PAPPA: variants seen among roughly 807,000 people sequenced by gnomAD.
PAPPA encodes the protein pappalysin 1, also known as pappalysin-1.
Under a neutral mutation model 164.0 loss-of-function variants are expected in PAPPA, and 60 were observed. The observed-to-expected ratio is 0.37, with a 90% CI of 0.30 to 0.45. The LOEUF is 0.45. Ranked by LOEUF, PAPPA falls within the 20% of genes least tolerant of loss-of-function variation. The pLI, the probability that PAPPA is intolerant of heterozygous loss-of-function variation, is 1.00. For synonymous variants in PAPPA, 875 were observed against 814.1 expected (o/e 1.07, Z -1.27); for missense variants, 1,782 against 2,087.3 (o/e 0.85, Z 2.85).
At chr9:116,389,151 A>AAAC (rs1332786994) in intron 21 of PAPPA, among the ~76,000 whole-genome samples, 4 of 123,556 alleles carry the variant, frequency 3.2e-5, no homozygotes, top group Non-Finnish European at 6.7e-5. Context: ...TTTTTTTTGG[A>AAAC]AACAGAGTCT....
At chr9:116,382,884 G>T (rs1274976247) in intron 21 of PAPPA, among the ~76,000 whole-genome samples, 1 of 152,100 alleles carries the variant, frequency 6.6e-6, no homozygotes, top group African/African-American at 2.4e-5. Context: ...TCAAAAGAAC[G>T]GTGTCTGGAG....
intron 10 of PAPPA, among the ~76,000 whole-genome samples, chr9:116,304,522 A>T (rs1845619669): frequency 6.6e-6 from 1 of 152,222 alleles, no homozygotes; most frequent in African/African-American, 2.4e-5. Flanking sequence ...AGAATTATTA[A>T]CACACTCAGA....
intron 8 of PAPPA, among the ~76,000 whole-genome samples, chr9:116,266,310 A>C (rs1448204021): frequency 6.6e-6 from 1 of 152,208 alleles, no homozygotes; most frequent in Non-Finnish European, 1.5e-5. Flanking sequence ...TTTTTCCCTC[A>C]CAGTCACAGC....
intron 10 of PAPPA, among the ~76,000 whole-genome samples, chr9:116,318,064 G>A (rs1251997774): frequency 1.3e-5 from 2 of 152,188 alleles, no homozygotes; most frequent in Admixed American, 1.3e-4. Flanking sequence ...TTGGGAAACT[G>A]GGTTTGTCAT....
At chr9:116,190,866 T>C (rs546579145) in intron 2 of PAPPA, among the ~76,000 whole-genome samples, 3 of 152,352 alleles carry the variant, frequency 2.0e-5, no homozygotes, top group African/African-American at 7.2e-5. Context: ...GGGAAAGCTG[T>C]ATGCCCTGGG....
chr9:116,156,134 G>A (rs1423249042), intron 1 of PAPPA, among the ~76,000 whole-genome samples: 2 of 150,050 alleles, frequency 1.3e-5, no homozygotes, highest in East Asian at 3.9e-4. Flanking sequence ...TAATCTGTAG[G>A]TCTGGTTTTT....
At chr9:116,186,176 C>T (rs1407224200) in intron 1 of PAPPA, among the ~76,000 whole-genome samples, 3 of 151,198 alleles carry the variant, frequency 2.0e-5, no homozygotes, top group Non-Finnish European at 2.9e-5. Flanking sequence ...TGTAGGCATA[C>T]CCAATTTATG....
chr9:116,334,971 CT>C lies in PAPPA; in HGVS notation c.3509del (p.Leu1170ArgfsTer20). The C allele has an allele frequency of 6.2e-7, 1 of 1,613,932 alleles. No individual in the cohort carries two copies. The highest frequency in any genetic ancestry group is 8.5e-7 in the Non-Finnish European group (1 of 1,179,976). On this transcript the variant is annotated frameshift_variant, in exon 13 of 22. Transcript: ENST00000328252. LOFTEE classifies it high-confidence loss of function. The part of the protein sequence containing the change: ...QAVRVSFSSP[L>X]VAISGVALRS... ...GGTACGTGTGAGCTTCAGTTCGCCC[CT>C]GGTCGCCATCTCGGGGGTGGCCCTC... is the stretch of plus-strand genomic sequence containing the variant.
intron 8 of PAPPA, among the ~76,000 whole-genome samples, chr9:116,266,759 GAA>G (rs1255846617): frequency 6.6e-6 from 1 of 151,968 alleles, no homozygotes; most frequent in Non-Finnish European, 1.5e-5. Flanking sequence ...TCCAGAATAA[GAA>G]AAAAAGTTTT....
intron 13 of PAPPA, among the ~76,000 whole-genome samples, chr9:116,343,745 A>ATTTATTTATTTT (rs1564234082): frequency 6.7e-6 from 1 of 148,204 alleles, no homozygotes; most frequent in Non-Finnish European, 1.5e-5. Context: ...ACTTATTTTT[A>ATTTATTTATTTT]TTTATTTATT....
intron 9 of PAPPA, among the ~76,000 whole-genome samples, chr9:116,284,203 C>A (rs1165452261): frequency 6.6e-6 from 1 of 152,122 alleles, no homozygotes; most frequent in South Asian, 2.1e-4. Flanking sequence ...TTCTTACTCA[C>A]AAGTAGAGAG....
intron 15 of PAPPA, among the ~76,000 whole-genome samples, chr9:116,348,529 G>A (rs1399604798): frequency 6.6e-6 from 1 of 152,008 alleles, no homozygotes; most frequent in Admixed American, 6.6e-5. Context: ...AGGAGGACAT[G>A]TGCAGGTTTG....
chr9:116,332,247 T>A (rs1846002165), intron 11 of PAPPA, 86 bp from the exon 12 acceptor site: 2 of 1,210,306 alleles, frequency 1.7e-6, no homozygotes, highest in Admixed American at 3.7e-5. Flanking sequence ...AAAAGGAAGT[T>A]TCTCCTCAAA....
At position 116,344,648 on chromosome 9, in the gene PAPPA, T is replaced by C; in HGVS notation, c.3717T>C (p.Thr1239=). The change falls in exon 14 of 22, where the codon ACT becomes ACC. Residue 1239 remains threonine (T), a synonymous_variant. Coordinates refer to ENST00000328252, the MANE Select transcript of PAPPA (RefSeq NM_002581.5). ...ACCGCTACCACGGTGCCCAGTGTAC[T>C]GTGAGCTGCCGGACAGGCTACGTGC... ...SSDRYHGAQC[T]VSCRTGYVLQ... is the part of the protein sequence containing the mutation. 2.5e-6 allele frequency: 4 copies of C among 1,614,184 alleles called. No homozygotes were observed. Among genetic ancestry groups the C allele is most frequent in the African/African-American group, 1.3e-5 (1 of 75,040 alleles).
chr9:116,327,523 A>G (rs1253376115), intron 10 of PAPPA, among the ~76,000 whole-genome samples: 2 of 152,044 alleles, frequency 1.3e-5, no homozygotes, highest in East Asian at 1.9e-4. Context: ...TCCTCCCAAA[A>G]CATTCAGTAA....
In PAPPA at chr9:116,154,156, G is replaced by A; in HGVS notation, c.-17G>A. 3 of 1,440,974 alleles carry A rather than the reference G, an allele frequency of 2.1e-6. No homozygotes were observed. Among genetic ancestry groups the A allele is most frequent in the South Asian group, 1.2e-5 (1 of 81,384 alleles). The allele number at this position is 1,440,974 out of a possible 1,614,324, so 89.3% of individuals were successfully genotyped here. On this transcript the variant is annotated 5_prime_UTR_variant, in exon 1 of 22. Coordinates refer to ENST00000328252, the MANE Select transcript of PAPPA (RefSeq NM_002581.5). The surrounding 1 kb of genome is among the most constrained non-coding windows in gnomAD (Gnocchi z 5.2). The stretch of plus-strand genomic sequence containing the variant: ...GGCGGTGCAGGGGCGAAGGGGGGGC[G>A]GGGGGAACCGTCGGACATGCGGCTC...
chr9:116,240,692 A>T (rs908395715), intron 7 of PAPPA, among the ~76,000 whole-genome samples: 1 of 152,194 alleles, frequency 6.6e-6, no homozygotes, highest in Non-Finnish European at 1.5e-5. Flanking sequence ...TCCCCAGATT[A>T]TATATAGGGA....
intron 9 of PAPPA, among the ~76,000 whole-genome samples, chr9:116,277,219 G>A (rs533461565): frequency 6.6e-6 from 1 of 152,280 alleles, no homozygotes; most frequent in East Asian, 1.9e-4. Context: ...TCTCCAGACT[G>A]CATGTATTCA....
At chr9:116,292,389 G>A (rs987916235) in intron 9 of PAPPA, among the ~76,000 whole-genome samples, 11 of 152,194 alleles carry the variant, frequency 7.2e-5, no homozygotes, top group Admixed American at 2.0e-4. Context: ...ATGTTGGCTT[G>A]AACTAGGGTG....
Sources: allele counts gnomAD v4.1 joint callset (sites outside exome capture counted in the v4.1 genomes callset), GRCh38; gene constraint gnomAD v4.1.1; non-coding constraint Gnocchi (gnomAD v3.1); transcripts MANE v1.5; gene names NCBI Gene and HGNC (gene_info 2026-07-23, HGNC 2026-07-21).